Variants in GABRA5 observed in about 807,000 individuals in gnomAD.
GABRA5 encodes gamma-aminobutyric acid receptor subunit alpha-5.
In GABRA5, 18 loss-of-function variants were observed where a neutral mutation model predicts 47.3. The ratio of observed to expected loss-of-function variants is 0.38; its 90% CI spans 0.26 to 0.56. The LOEUF is 0.56. GABRA5 is among the 20% of genes least tolerant of loss of function. The pLI, the probability that GABRA5 is intolerant of heterozygous loss-of-function variation, is 0.71. For synonymous variants in GABRA5, 237 were observed against 229.3 expected (o/e 1.03, Z -0.30); for missense variants, 365 against 599.3 (o/e 0.61, Z 4.08).
intron 7 of GABRA5, among the ~76,000 whole-genome samples, chr15:26,917,862 T>C (rs1182277757): frequency 6.6e-6 from 1 of 152,126 alleles, no homozygotes; most frequent in Admixed American, 6.5e-5. Flanking sequence ...TTGTTCATTG[T>C]TGTCTTTTAC....
intron 7 of GABRA5, among the ~76,000 whole-genome samples, chr15:26,936,514 T>G (rs1243919643): frequency 2.0e-5 from 3 of 152,206 alleles, no homozygotes; most frequent in Non-Finnish European, 1.5e-5. Flanking sequence ...TTGTGCCCCC[T>G]GGGAAAATCA....
chr15:26,943,140 T>C (rs1595438157), intron 9 of GABRA5, 75 bp from the exon 10 acceptor site: 2 of 994,956 alleles, frequency 2.0e-6, no homozygotes, highest in Non-Finnish European at 2.9e-6. Context: ...ACTTTGGGCA[T>C]GTTGTACTGG....
At chr15:26,890,967 C>A (rs1024971999) in intron 6 of GABRA5, among the ~76,000 whole-genome samples, 1 of 152,058 alleles carries the variant, frequency 6.6e-6, no homozygotes. Context: ...TAGGTTTCTG[C>A]CAATTTAATA....
intron 3 of GABRA5, among the ~76,000 whole-genome samples, chr15:26,878,871 G>T (rs1202431311): frequency 6.6e-6 from 1 of 152,200 alleles, no homozygotes; most frequent in Non-Finnish European, 1.5e-5. Context: ...TTGTGAGTGG[G>T]ATTCAGAGCC....
At chr15:26,902,646 T>C (rs1044855331) in intron 6 of GABRA5, among the ~76,000 whole-genome samples, 6 of 152,118 alleles carry the variant, frequency 3.9e-5, no homozygotes, top group Non-Finnish European at 8.8e-5. Context: ...TTTACTTGTC[T>C]TATTACATTA....
intron 6 of GABRA5, among the ~76,000 whole-genome samples, chr15:26,888,861 TC>T (rs1175308127): frequency 6.6e-6 from 1 of 151,920 alleles, no homozygotes. Context: ...GGAGAGCAAG[TC>T]CCCCCGGTAG....
chr15:26,882,699 C>T (rs1892762234), intron 4 of GABRA5, among the ~76,000 whole-genome samples: 1 of 152,148 alleles, frequency 6.6e-6, no homozygotes, highest in Admixed American at 6.5e-5. Context: ...CATCGTTTCC[C>T]GGAGACCACC....
Position 26,914,863 on chromosome 15 carries a change from T to A in GABRA5, c.558T>A (p.Ala186=), listed in dbSNP as rs1375520473. Reference sequence around the variant, plus strand: ...AGGACTTCCCGATGGATGCGCACGCTTGCCCTCTGAAATTTGGCAGCTGTA... The same window carrying A: ...AGGACTTCCCGATGGATGCGCACGCATGCCCTCTGAAATTTGGCAGCTGTA... ...QLEDFPMDAH[A]CPLKFGSYAY... is the part of the protein sequence containing the mutation. Residue 186 remains alanine, a synonymous_variant, in exon 7 of 11, where the codon GCT becomes GCA. Transcript: ENST00000335625. 1 of 1,614,018 alleles carries A rather than the reference T, an allele frequency of 6.2e-7. No individual in the cohort carries two copies.
chr15:26,886,909 G>A (rs568988008), intron 6 of GABRA5, among the ~76,000 whole-genome samples: 1 of 152,330 alleles, frequency 6.6e-6, no homozygotes, highest in African/African-American at 2.4e-5. Context: ...TAGAGCTATA[G>A]CTAGAATGCT....
At chr15:26,878,804 T>A (rs1168004503) in intron 3 of GABRA5, among the ~76,000 whole-genome samples, 1 of 152,242 alleles carries the variant, frequency 6.6e-6, no homozygotes, top group Non-Finnish European at 1.5e-5. Context: ...GAATCCGAGC[T>A]TTGAAATTCT....
intron 7 of GABRA5, among the ~76,000 whole-genome samples, chr15:26,916,854 T>G (rs1380425456): frequency 6.6e-6 from 1 of 152,124 alleles, no homozygotes; most frequent in African/African-American, 2.4e-5. Context: ...ATTGTTTTTC[T>G]AATTTCTTTT....
At chr15:26,890,117 T>G (rs1892969257) in intron 6 of GABRA5, among the ~76,000 whole-genome samples, 1 of 152,252 alleles carries the variant, frequency 6.6e-6, no homozygotes, top group Admixed American at 6.5e-5. Context: ...ACGATACATC[T>G]ATTTTTTTTC....
At chr15:26,900,082 A>T (rs927681799) in intron 6 of GABRA5, among the ~76,000 whole-genome samples, 2 of 152,060 alleles carry the variant, frequency 1.3e-5, no homozygotes, top group African/African-American at 4.8e-5. Context: ...TACCCTGCGG[A>T]ATAAAATTAA....
At chr15:26,910,004 T>A (rs1489255735) in intron 6 of GABRA5, among the ~76,000 whole-genome samples, 1 of 152,220 alleles carries the variant, frequency 6.6e-6, no homozygotes, top group African/African-American at 2.4e-5. Context: ...ATTGAACTGG[T>A]AATAGCCAAA....
intron 7 of GABRA5, among the ~76,000 whole-genome samples, chr15:26,927,017 A>T (rs1893976537): frequency 6.6e-6 from 1 of 152,198 alleles, no homozygotes; most frequent in Non-Finnish European, 1.5e-5. Flanking sequence ...TTCATATTAT[A>T]TATAAGAAGT....
chr15:26,899,678 A>G (rs1035764373), intron 6 of GABRA5, among the ~76,000 whole-genome samples: 1 of 152,148 alleles, frequency 6.6e-6, no homozygotes, highest in Non-Finnish European at 1.5e-5. Context: ...TTATCATGTA[A>G]TATCTTTGTC....
intron 7 of GABRA5, among the ~76,000 whole-genome samples, chr15:26,929,640 T>C (rs146837035): frequency 0.015 from 2,254 of 152,346 alleles, 43 homozygotes; most frequent in African/African-American, 0.052. Context: ...CTCTGCTCTG[T>C]TGAGCGCAGC....
intron 7 of GABRA5, among the ~76,000 whole-genome samples, chr15:26,936,429 G>T (rs142566719): frequency 0.062 from 9,413 of 152,196 alleles, 995 homozygotes; most frequent in African/African-American, 0.22. Flanking sequence ...GCAGTGGTGA[G>T]TGGAGCCCTT....
Position 26,883,564 on chromosome 15 carries a change from G to T in GABRA5, c.497+7G>T. 2.6e-6 allele frequency: 4 copies of T among 1,534,940 alleles called. No homozygotes were observed. Among genetic ancestry groups the T allele is most frequent in the Non-Finnish European group, 3.6e-6 (4 of 1,122,308 alleles). On this transcript the variant is annotated splice_region_variant and intron_variant, in intron 6 of 10. Coordinates refer to ENST00000335625, the MANE Select transcript of GABRA5 (RefSeq NM_000810.4). The surrounding 1 kb of genome is among the most constrained non-coding windows in gnomAD (Gnocchi z 4.8). ...CCCTGCTCTACACCATGCGGTGAGCGCCGGGCGGGGGCGGGCGGGGCCGGG... is the reference window on the plus strand; with the variant it reads ...CCCTGCTCTACACCATGCGGTGAGCTCCGGGCGGGGGCGGGCGGGGCCGGG...
Sources: gnomAD v4.1 joint callset for allele counts (sites outside exome capture counted in the v4.1 genomes callset) on GRCh38, gnomAD v4.1.1 for gene constraint, Gnocchi (gnomAD v3.1) non-coding constraint, MANE v1.5 for transcripts, NCBI Gene and HGNC (gene_info 2026-07-23, HGNC 2026-07-21) for gene names.